Variants in SPPL3 observed in about 807,000 individuals in gnomAD.
The protein encoded by SPPL3 is signal peptide peptidase-like 3.
A neutral mutation model predicts 42.4 loss-of-function variants in SPPL3; 5 were observed. The observed-to-expected ratio is 0.12, with a 90% CI of 0.06 to 0.25. The LOEUF (loss-of-function observed/expected upper bound fraction) is 0.25, where lower values mean the gene tolerates loss of function less well. Ranked by LOEUF, SPPL3 falls within the 10% of genes least tolerant of loss-of-function variation. The pLI is 1.00. For missense variants in SPPL3, 235 were observed against 489.0 expected, an observed-to-expected ratio of 0.48 and a Z score of 4.90; for synonymous variants, 195 against 181.8, an observed-to-expected ratio of 1.07 and a Z score of -0.58.
intron 1 of SPPL3, among the ~76,000 whole-genome samples, chr12:120,846,247 G>A (rs1162793772): frequency 6.6e-6 from 1 of 152,126 alleles, no homozygotes; most frequent in Admixed American, 6.5e-5. Context: ...TTAAGTGACT[G>A]AATAATTGAA....
At chr12:120,819,046 A>G (rs758245406) in intron 1 of SPPL3, among the ~76,000 whole-genome samples, 6 of 152,150 alleles carry the variant, frequency 3.9e-5, no homozygotes, top group Non-Finnish European at 8.8e-5. Flanking sequence ...TTTGAACTGA[A>G]CTCCATGGGG....
intron 6 of SPPL3, among the ~76,000 whole-genome samples, chr12:120,776,993 T>G (rs1869343455): frequency 6.6e-6 from 1 of 152,194 alleles, no homozygotes; most frequent in African/African-American, 2.4e-5. Flanking sequence ...GTGCTTTCAT[T>G]GTCTCATTCC....
chr12:120,783,249 G>A (rs1410873832), intron 5 of SPPL3, among the ~76,000 whole-genome samples: 1 of 152,164 alleles, frequency 6.6e-6, no homozygotes, highest in East Asian at 1.9e-4. Context: ...GTGCAGCAAT[G>A]ACTTTCAGAG....
At chr12:120,861,179 G>T (rs1475300348) in intron 1 of SPPL3, among the ~76,000 whole-genome samples, 2 of 152,092 alleles carry the variant, frequency 1.3e-5, no homozygotes, top group Non-Finnish European at 2.9e-5. Context: ...CACAGAGACA[G>T]GGCCAACTGT....
At chr12:120,872,354 T>C (rs953536728) in intron 1 of SPPL3, among the ~76,000 whole-genome samples, 1 of 152,132 alleles carries the variant, frequency 6.6e-6, no homozygotes, top group Non-Finnish European at 1.5e-5. Flanking sequence ...TTTTAGACAC[T>C]GGGCAAAAAG....
chr12:120,875,325 T>A (rs1342903814), intron 1 of SPPL3, among the ~76,000 whole-genome samples: 1 of 152,204 alleles, frequency 6.6e-6, no homozygotes, highest in Non-Finnish European at 1.5e-5. Flanking sequence ...TGAAATAGTA[T>A]AACATTATTT....
At chr12:120,846,578 T>G (rs964462062) in intron 1 of SPPL3, among the ~76,000 whole-genome samples, 1 of 152,252 alleles carries the variant, frequency 6.6e-6, no homozygotes, top group Non-Finnish European at 1.5e-5. Flanking sequence ...ACGGTTGATC[T>G]GCTTACTTAG....
Position 120,767,481 on chromosome 12 carries a change from A to G in SPPL3, c.886T>C (p.Ser296Pro), listed in dbSNP as rs779072650. 3.1e-6 allele frequency: 5 copies of G among 1,614,054 alleles called. No homozygotes were observed. Among genetic ancestry groups the G allele is most frequent in the Admixed American group, 1.7e-5 (1 of 60,008 alleles). The change falls in exon 9 of 11, where the codon TCC becomes CCC. Residue 296 changes from serine (S) to proline (P), a missense_variant. Physicochemically the swap from Ser to Pro is moderately conservative, Grantham distance 74. This residue lies in a region of SPPL3 where 29 missense variants were observed against 16.4 expected (regional missense o/e 1.77). Coordinates refer to ENST00000353487, the MANE Select transcript of SPPL3 (RefSeq NM_139015.5). The stretch of plus-strand genomic sequence containing the variant: ...TTGGCAGGTCCAGGGGCCCCACAGG[A>G]GTCCCCACTGGCTTGCTTTTTGTAG... ...DNYKKQASGDSCGAPGPANIS... is the reference protein window; with the variant it reads ...DNYKKQASGDPCGAPGPANIS...
chr12:120,885,368 A>G (rs1230386925), intron 1 of SPPL3, among the ~76,000 whole-genome samples: 2 of 152,150 alleles, frequency 1.3e-5, no homozygotes, highest in Non-Finnish European at 2.9e-5. Flanking sequence ...AATTCAAACA[A>G]ATCAGTGAAC....
chr12:120,868,452 G>A lies in SPPL3; in HGVS notation c.23+35393C>T, dbSNP rs1477969572. ...AAGTGGTCAACAGATAGATGGTGTA[G>A]TAATTTCTTTTTTCTTTTTTTTTGT... is the stretch of plus-strand genomic sequence containing the variant. On this transcript the variant is annotated intron_variant, in intron 1 of 10. Coordinates refer to ENST00000353487, the MANE Select transcript of SPPL3 (RefSeq NM_139015.5). Among the ~76,000 whole-genome samples the A allele has an allele frequency of 2.7e-5, 3 of 109,976 alleles. No homozygotes were observed. In the South Asian group the frequency reaches 1.1e-3, roughly 40 times the overall value. The allele number at this position is 109,976 out of a possible 152,430, so 72.1% of individuals were successfully genotyped here. A position where few individuals can be genotyped will look rare whatever the true frequency, so the allele number is the denominator to read the frequency against.
At chr12:120,839,278 T>C (rs1871724987) in intron 1 of SPPL3, among the ~76,000 whole-genome samples, 1 of 147,712 alleles carries the variant, frequency 6.8e-6, no homozygotes, top group East Asian at 2.0e-4. Flanking sequence ...AAACACCGCA[T>C]GTTCTCACTC....
At chr12:120,876,500 CCAG>C (rs1873092403) in intron 1 of SPPL3, among the ~76,000 whole-genome samples, 1 of 150,164 alleles carries the variant, frequency 6.7e-6, no homozygotes, top group Non-Finnish European at 1.5e-5. Flanking sequence ...ACCTGTAGTC[CCAG>C]CTACTTGGGA....
intron 1 of SPPL3, among the ~76,000 whole-genome samples, chr12:120,843,784 C>A (rs1157754649): frequency 6.6e-6 from 1 of 152,094 alleles, no homozygotes; most frequent in Admixed American, 6.6e-5. Context: ...GAAACCCTGT[C>A]CCGTCACTAC....
At chr12:120,896,778 C>CAA (rs1169482684) in intron 1 of SPPL3, among the ~76,000 whole-genome samples, 18 of 130,024 alleles carry the variant, frequency 1.4e-4, no homozygotes, top group Non-Finnish European at 2.6e-4. Flanking sequence ...GACTCCGTTT[C>CAA]AAAAAAAAAA....
intron 1 of SPPL3, among the ~76,000 whole-genome samples, chr12:120,902,338 G>C (rs905775751): frequency 6.6e-6 from 1 of 152,124 alleles, no homozygotes; most frequent in Admixed American, 6.6e-5. Context: ...AAGACTCAAT[G>C]AGTTACTGAC....
At chr12:120,769,528 C>T (rs925033543) in intron 6 of SPPL3, 24 of 156,548 alleles carry the variant, frequency 1.5e-4, no homozygotes, top group Non-Finnish European at 2.8e-4. Flanking sequence ...TCAGAGATTA[C>T]CACTGTTCAA....
intron 1 of SPPL3, among the ~76,000 whole-genome samples, chr12:120,823,669 G>C (rs1224350100): frequency 1.3e-5 from 2 of 151,878 alleles, no homozygotes; most frequent in Non-Finnish European, 2.9e-5. Flanking sequence ...CATGCCTTTG[G>C]TTATCATCTA....
chr12:120,782,031 C>A (rs949371594), intron 6 of SPPL3, among the ~76,000 whole-genome samples: 1 of 151,942 alleles, frequency 6.6e-6, no homozygotes. Context: ...GTGTACCATG[C>A]CCAGATGATT....
In SPPL3 at chr12:120,846,949, T is replaced by C. The variant is rs1312483269; in HGVS notation, c.24-36063A>G. Among the ~76,000 whole-genome samples the C allele has an allele frequency of 2.0e-5, 3 of 152,326 alleles. No homozygotes were observed. In the East Asian group the frequency reaches 5.8e-4, roughly 29 times the overall value. ...GTGTTTATATTGTGACAGCAAACTC[T>C]GTGGTTAAGCTTGTGCAGTAATTAA... On this transcript the variant is annotated intron_variant, in intron 1 of 10. Transcript: ENST00000353487.
Sources: gnomAD v4.1 joint callset for allele counts (sites outside exome capture counted in the v4.1 genomes callset) on GRCh38, gnomAD v4.1.1 for gene constraint, gnomAD v4.1.1 regional missense constraint, MANE v1.5 for transcripts, NCBI Gene and HGNC (gene_info 2026-07-23, HGNC 2026-07-21) for gene names.